Variants in ADAMTS17 observed in about 807,000 individuals in gnomAD.
ADAMTS17 encodes the protein A disintegrin and metalloproteinase with thrombospondin motifs 17.
A neutral mutation model predicts 141.5 loss-of-function variants in ADAMTS17; 113 were observed. The observed-to-expected ratio is 0.80, with a 90% confidence interval of 0.69 to 0.93. ADAMTS17 has a LOEUF of 0.93. ADAMTS17 is among the 40% of genes least tolerant of loss of function. ADAMTS17 has a pLI of 0.00. For missense variants in ADAMTS17, 1,659 were observed against 1,517.9 expected (o/e 1.09, Z -1.54); for synonymous variants, 768 against 630.6 (o/e 1.22, Z -3.27).
intron 18 of ADAMTS17, among the ~76,000 whole-genome samples, chr15:100,005,786 G>C (rs1383360014): frequency 1.3e-5 from 2 of 152,138 alleles, no homozygotes; most frequent in African/African-American, 4.8e-5. Context: ...AAAACAACAG[G>C]AATCTATTCC....
intron 3 of ADAMTS17, among the ~76,000 whole-genome samples, chr15:100,285,825 G>GC (rs1486588560): frequency 7.9e-5 from 12 of 152,160 alleles, no homozygotes; most frequent in African/African-American, 1.2e-4. Context: ...TGGATGCCCA[G>GC]CCCCCAAGTC....
chr15:100,241,054 G>A (rs2042813231), intron 7 of ADAMTS17, among the ~76,000 whole-genome samples: 17 of 152,142 alleles, frequency 1.1e-4, no homozygotes. Flanking sequence ...TCGAACTCCT[G>A]ACCTTGTGAT....
At chr15:100,015,833 G>A (rs1166982481) in intron 18 of ADAMTS17, among the ~76,000 whole-genome samples, 1 of 152,176 alleles carries the variant, frequency 6.6e-6, no homozygotes, top group African/African-American at 2.4e-5. Context: ...ATTACCTGAT[G>A]ACAATGTGCC....
intron 8 of ADAMTS17, among the ~76,000 whole-genome samples, chr15:100,182,278 C>A (rs1717024195): frequency 6.6e-6 from 1 of 152,056 alleles, no homozygotes; most frequent in Admixed American, 6.6e-5. Context: ...GCGGACGAGC[C>A]CCTTATAAAA....
intron 20 of ADAMTS17, chr15:99,978,798 C>T (rs1344334972): frequency 6.6e-6 from 1 of 152,178 alleles, no homozygotes; most frequent in Non-Finnish European, 1.5e-5. Flanking sequence ...AATCCCACAC[C>T]AATACAATCC....
chr15:100,148,641 G>A (rs1048609442), intron 10 of ADAMTS17, among the ~76,000 whole-genome samples: 1 of 151,620 alleles, frequency 6.6e-6, no homozygotes, highest in Non-Finnish European at 1.5e-5. Context: ...TTTTCCTCTG[G>A]CTCCTTGAAG....
chr15:100,123,673 G>T (rs937234116), intron 12 of ADAMTS17, among the ~76,000 whole-genome samples: 1 of 152,260 alleles, frequency 6.6e-6, no homozygotes, highest in Non-Finnish European at 1.5e-5. Flanking sequence ...AAATCCACAT[G>T]CAGAATCAGA....
chr15:100,280,799 T>C (rs1265658236), intron 4 of ADAMTS17, among the ~76,000 whole-genome samples: 1 of 150,976 alleles, frequency 6.6e-6, no homozygotes, highest in East Asian at 2.0e-4. Flanking sequence ...ACTCCTTCCT[T>C]GGTTCTCTCA....
chr15:100,251,491 C>A (rs144644630), intron 7 of ADAMTS17, among the ~76,000 whole-genome samples: 1 of 152,292 alleles, frequency 6.6e-6, no homozygotes, highest in African/African-American at 2.4e-5. Context: ...TCTGGGAGGC[C>A]GAGGCGGATG....
chr15:100,222,398 T>C (rs2042162759), intron 7 of ADAMTS17, among the ~76,000 whole-genome samples: 1 of 152,090 alleles, frequency 6.6e-6, no homozygotes, highest in Non-Finnish European at 1.5e-5. Flanking sequence ...AAAGACATGA[T>C]TCAAATAAGC....
At chr15:100,054,094 G>A (rs28587358) in intron 15 of ADAMTS17, 40 bp from the exon 16 acceptor site, 1 of 1,613,190 alleles carries the variant, frequency 6.2e-7, no homozygotes, top group South Asian at 1.1e-5. Context: ...AAGGGGCTGG[G>A]GGTAGGGGGA....
intron 7 of ADAMTS17, among the ~76,000 whole-genome samples, chr15:100,219,666 G>T (rs1478149975): frequency 1.3e-5 from 2 of 152,140 alleles, no homozygotes; most frequent in Admixed American, 1.3e-4. Context: ...GTCTTCACAT[G>T]GACAAGGAGA....
chr15:100,153,586 G>A (rs989586282), intron 9 of ADAMTS17, among the ~76,000 whole-genome samples: 7 of 152,186 alleles, frequency 4.6e-5, no homozygotes, highest in African/African-American at 1.7e-4. Context: ...TGAGGTTGCA[G>A]TGAGCCAAGA....
intron 20 of ADAMTS17, chr15:99,979,887 G>A (rs1001008646): frequency 6.6e-6 from 1 of 152,200 alleles, no homozygotes; most frequent in Non-Finnish European, 1.5e-5. Context: ...GCAGGCATTT[G>A]ATGAGTCCAC....
At chr15:100,042,374 C>T (rs890137355) in intron 18 of ADAMTS17, among the ~76,000 whole-genome samples, 1 of 152,258 alleles carries the variant, frequency 6.6e-6, no homozygotes, top group South Asian at 2.1e-4. Context: ...TGTTCTAAGA[C>T]CCCCAGTGGA....
At chr15:100,091,011 A>AG (rs2035432039) in intron 15 of ADAMTS17, among the ~76,000 whole-genome samples, 2 of 119,460 alleles carry the variant, frequency 1.7e-5, no homozygotes, top group African/African-American at 7.8e-5. Context: ...CCGTCTCAAC[A>AG]AAAAAAAAAA....
At chr15:100,195,107 G>A (rs1271410782) in intron 8 of ADAMTS17, among the ~76,000 whole-genome samples, 3 of 152,350 alleles carry the variant, frequency 2.0e-5, no homozygotes, top group South Asian at 4.1e-4. Context: ...AGCCTTTCAC[G>A]GGCAAGAAGA....
At chr15:100,271,156 CT>C (rs1352105829) in intron 4 of ADAMTS17, among the ~76,000 whole-genome samples, 1 of 152,162 alleles carries the variant, frequency 6.6e-6, no homozygotes, top group East Asian at 1.9e-4. Flanking sequence ...TCTGTGGACA[CT>C]TTGGGTTGCT....
chr15:100,291,430 A>T (rs781124685), intron 3 of ADAMTS17, among the ~76,000 whole-genome samples: 1 of 152,226 alleles, frequency 6.6e-6, no homozygotes, highest in Non-Finnish European at 1.5e-5. Context: ...CTACTATGAA[A>T]ATAAATTTGG....
Sources: allele counts gnomAD v4.1 joint callset (sites outside exome capture counted in the v4.1 genomes callset), GRCh38; gene constraint gnomAD v4.1.1; transcripts MANE v1.5; gene names NCBI Gene and HGNC (gene_info 2026-07-23, HGNC 2026-07-21).